MAPK6: variants seen among roughly 807,000 people sequenced by gnomAD.
MAPK6 encodes the protein ERK-3.
MAPK6 carries 19 observed loss-of-function variants against 59.3 expected under a neutral mutation model. The observed-to-expected ratio is 0.32, with a 90% CI of 0.22 to 0.47. The LOEUF (loss-of-function observed/expected upper bound fraction) is 0.47. Among genes scored for constraint, MAPK6 ranks in the 20% least tolerant of loss-of-function variants. MAPK6 has a pLI of 1.00. For missense variants in MAPK6, 724 were observed against 847.9 expected (o/e 0.85, Z 1.81); for synonymous variants, 316 against 290.3 (o/e 1.09, Z -0.90).
At chr15:52,003,560 G>A (rs1212848602) in intron 2 of MAPK6, among the ~76,000 whole-genome samples, 1 of 152,138 alleles carries the variant, frequency 6.6e-6, no homozygotes, top group Non-Finnish European at 1.5e-5. Context: ...CCTTGGAGGG[G>A]GATCTGGTCA....
Position 52,063,975 on chromosome 15 carries a change from G to A in MAPK6, c.1141G>A (p.Asp381Asn). 1 of 1,611,306 alleles carries A rather than the reference G, an allele frequency of 6.2e-7. No individual in the cohort carries two copies. Among genetic ancestry groups the A allele is most frequent in the Non-Finnish European group, 8.5e-7 (1 of 1,178,728 alleles). ...CTTTGATATTGATGAAGTTCAGCTTGATCCAAGAGCTCTGTCCGATGTCAC... is the reference window on the plus strand; with the variant it reads ...CTTTGATATTGATGAAGTTCAGCTTAATCCAAGAGCTCTGTCCGATGTCAC... ...NNFDIDEVQLDPRALSDVTDE... is the reference protein window; with the variant it reads ...NNFDIDEVQLNPRALSDVTDE... The change falls in exon 6 of 6, where the codon GAT becomes AAT. Residue 381 changes from aspartate to asparagine, a missense_variant. Asp to Asn is a conservative substitution (Grantham distance 23). Coordinates refer to ENST00000261845, the MANE Select transcript of MAPK6 (RefSeq NM_002748.4).
chr15:51,992,305 A>ATATTTT (rs572519819), intron 2 of MAPK6, among the ~76,000 whole-genome samples: 6 of 101,416 alleles, frequency 5.9e-5, no homozygotes, highest in African/African-American at 1.5e-4. Flanking sequence ...ATATATATAT[A>ATATTTT]TTTTTTTTTT....
At chr15:52,048,942 A>T (rs1446460200) in intron 2 of MAPK6, among the ~76,000 whole-genome samples, 2 of 148,950 alleles carry the variant, frequency 1.3e-5, no homozygotes, top group African/African-American at 4.9e-5. Flanking sequence ...AGTATTGTGG[A>T]TAGAGCACTG....
At chr15:51,986,761 A>G (rs920239775) in intron 2 of MAPK6, among the ~76,000 whole-genome samples, 1 of 152,150 alleles carries the variant, frequency 6.6e-6, no homozygotes, top group African/African-American at 2.4e-5. Flanking sequence ...ATGTGGCCCA[A>G]GATCTTGAAA....
intron 2 of MAPK6, among the ~76,000 whole-genome samples, chr15:51,983,487 G>A (rs112064657): frequency 0.093 from 13,793 of 147,604 alleles, 1,760 homozygotes; most frequent in African/African-American, 0.28. Flanking sequence ...CTCAAAACAA[G>A]CAAACAAAAA....
At chr15:52,007,892 G>A (rs2029945201) in intron 3 of MAPK6, among the ~76,000 whole-genome samples, 1 of 150,142 alleles carries the variant, frequency 6.7e-6, no homozygotes, top group South Asian at 2.1e-4. Context: ...CGTCACCCAG[G>A]CTGGAGTGCA....
intron 2 of MAPK6, among the ~76,000 whole-genome samples, chr15:51,996,189 T>A (rs1230018331): frequency 6.6e-6 from 1 of 152,088 alleles, no homozygotes; most frequent in Non-Finnish European, 1.5e-5. Context: ...CACTGAAACA[T>A]TTTTCCTTCC....
chr15:51,992,341 G>A (rs1372986340), intron 2 of MAPK6, among the ~76,000 whole-genome samples: 2 of 133,142 alleles, frequency 1.5e-5, no homozygotes, highest in South Asian at 2.4e-4. Context: ...TCGCACTCTA[G>A]CCCAGGCTGG....
intron 1 of MAPK6, among the ~76,000 whole-genome samples, chr15:52,038,848 A>T (rs773711011): frequency 2.6e-5 from 4 of 152,216 alleles, no homozygotes; most frequent in Non-Finnish European, 5.9e-5. Context: ...CAGCAATTTG[A>T]ATAACATCTC....
chr15:51,986,007 G>C (rs1791885743), intron 2 of MAPK6, among the ~76,000 whole-genome samples: 1 of 151,958 alleles, frequency 6.6e-6, no homozygotes, highest in Non-Finnish European at 1.5e-5. Flanking sequence ...CACTGTATTA[G>C]TCTGTTCTCA....
chr15:52,051,557 T>TA (rs2031781862), intron 3 of MAPK6, among the ~76,000 whole-genome samples: 1 of 152,190 alleles, frequency 6.6e-6, no homozygotes, highest in Non-Finnish European at 1.5e-5. Flanking sequence ...AGCCAGCTCT[T>TA]TATAATTTTT....
At position 52,064,157 on chromosome 15, in the gene MAPK6, C is replaced by G; in HGVS notation, c.1323C>G (p.Ser441Arg). 2.5e-6 allele frequency: 4 copies of G among 1,613,062 alleles called. No homozygotes were observed. In the South Asian group the frequency reaches 3.3e-5, roughly 13 times the overall value. The change falls in exon 6 of 6, where the codon AGC (serine) becomes AGG (arginine). Residue 441 changes from serine (S) to arginine (R), a missense_variant. Ser to Arg is a moderately radical substitution (Grantham distance 110). Around this residue, in one of 4 missense-constraint regions of MAPK6, gnomAD observed 502 missense variants for 507.6 expected, o/e 0.99. Transcript: ENST00000261845. ...ACAAATATTGTGATCTGGAGTGTAG[C>G]CATACTTGTAACTACAAAACGAGGT... ...HENKYCDLEC[S>R]HTCNYKTRSS...
intron 1 of MAPK6, chr15:52,024,528 G>A (rs551403397): frequency 6.6e-6 from 1 of 152,240 alleles, no homozygotes; most frequent in African/African-American, 2.4e-5. Flanking sequence ...AGCCTCCTGA[G>A]TAGCTGGGAC....
Position 52,064,899 on chromosome 15 carries a change from C to T in MAPK6, c.2065C>T (p.Pro689Ser). 6.2e-7 allele frequency: 1 copy of T among 1,611,958 alleles called. No homozygotes were observed. The highest frequency in any genetic ancestry group is 8.5e-7 in the Non-Finnish European group (1 of 1,179,826). ...IPQFHSPVGS[P>S]LKSIQATLTP... is the part of the protein sequence containing the mutation. ...ACAGTTTCACAGTCCAGTTGGGTCA[C>T]CACTTAAGTCAATACAGGCCACATT... The change falls in exon 6 of 6, where the codon CCA becomes TCA. Residue 689 changes from proline to serine, a missense_variant. Transcript: ENST00000261845.
At chr15:51,984,867 G>C (rs55753932) in intron 2 of MAPK6, among the ~76,000 whole-genome samples, 19 of 152,178 alleles carry the variant, frequency 1.2e-4, no homozygotes, top group Non-Finnish European at 2.2e-4. Context: ...TCTCTGGGAA[G>C]TGAGATTATG....
chr15:52,023,673 G>A (rs1044051194), intron 1 of MAPK6, among the ~76,000 whole-genome samples: 1 of 152,214 alleles, frequency 6.6e-6, no homozygotes, highest in Admixed American at 6.5e-5. Flanking sequence ...GCGCAGTCGC[G>A]CCATCTCGGC....
chr15:52,050,049 T>G lies in MAPK6; in HGVS notation c.612T>G (p.Leu204=). ...TKWYRSPRLL[L]SPNNYTKAID... ...GGTACAGATCTCCACGTCTTTTACT[T>G]TCTCCTAATAATTATACTAAAGCCA... is the stretch of plus-strand genomic sequence containing the variant. The change falls in exon 3 of 6, where the codon CTT becomes CTG. Residue 204 remains leucine (L), a synonymous_variant. Coordinates refer to ENST00000261845, the MANE Select transcript of MAPK6 (RefSeq NM_002748.4). The G allele has an allele frequency of 6.2e-7, 1 of 1,612,740 alleles. No individual in the cohort carries two copies. The highest frequency in any genetic ancestry group is 8.5e-7 in the Non-Finnish European group (1 of 1,179,430).
chr15:51,987,796 A>G (rs8040728), intron 2 of MAPK6, among the ~76,000 whole-genome samples: 12,326 of 119,246 alleles, frequency 0.1, 1,637 homozygotes, highest in African/African-American at 0.32. Flanking sequence ...ATGGAGTTTC[A>G]CTCTTACCAC....
In MAPK6 at chr15:52,066,790, GTGTATA is replaced by G. The variant is rs1161808616; in HGVS notation, c.*1792_*1797del. 5.0e-5 allele frequency: 7 copies of G among 141,042 alleles called. No individual in the cohort carries two copies. Among genetic ancestry groups the G allele is most frequent in the South Asian group, 2.4e-4 (1 of 4,218 alleles). 8.7% of individuals were successfully genotyped at this position (141,042 alleles called of 1,614,324 possible). A position where few individuals can be genotyped will look rare whatever the true frequency, so the allele number is the denominator to read the frequency against. Reference sequence around the variant, plus strand: ...TGTGTGTGTGTGTGTGTGTGTGTGTGTGTATATATATTCATTTATTTATTTTCTGGT... The same window carrying G: ...TGTGTGTGTGTGTGTGTGTGTGTGTGTATATTCATTTATTTATTTTCTGGT... On this transcript the variant is annotated 3_prime_UTR_variant, in exon 6 of 6. Coordinates refer to ENST00000261845, the MANE Select transcript of MAPK6 (RefSeq NM_002748.4).
Sources: gnomAD v4.1 joint callset for allele counts (sites outside exome capture counted in the v4.1 genomes callset) on GRCh38, gnomAD v4.1.1 for gene constraint, gnomAD v4.1.1 regional missense constraint, MANE v1.5 for transcripts, NCBI Gene and HGNC (gene_info 2026-07-23, HGNC 2026-07-21) for gene names.